Variants in LNX2 observed in about 807,000 individuals in gnomAD.
The protein encoded by LNX2 is ligand of Numb protein X 2.
In LNX2, 35 loss-of-function variants were observed where a neutral mutation model predicts 66.2. The ratio of observed to expected loss-of-function variants is 0.53; its 90% CI spans 0.40 to 0.70. The LOEUF (loss-of-function observed/expected upper bound fraction) is 0.70, where lower values mean the gene tolerates loss of function less well. Among genes scored for constraint, LNX2 ranks in the 30% least tolerant of loss-of-function variants. The pLI, the probability that LNX2 is intolerant of heterozygous loss-of-function variation, is 0.00. For synonymous variants in LNX2, 337 were observed against 315.6 expected (o/e 1.07, Z -0.72); for missense variants, 791 against 850.8 (o/e 0.93, Z 0.87).
chr13:27,618,883 G>A (rs1289872642), intron 1 of LNX2, among the ~76,000 whole-genome samples: 1 of 152,170 alleles, frequency 6.6e-6, no homozygotes, highest in African/African-American at 2.4e-5. Flanking sequence ...AAGACTAAGT[G>A]CCTACGTAAC....
chr13:27,603,084 A>T (rs958000476), intron 1 of LNX2, among the ~76,000 whole-genome samples: 1 of 152,158 alleles, frequency 6.6e-6, no homozygotes, highest in African/African-American at 2.4e-5. Context: ...TATGCTGTCA[A>T]ATATTAGCAT....
At chr13:27,608,617 C>G (rs1955742155) in intron 1 of LNX2, among the ~76,000 whole-genome samples, 1 of 152,080 alleles carries the variant, frequency 6.6e-6, no homozygotes, top group East Asian at 1.9e-4. Context: ...TAAGGTAAAT[C>G]AAACAGATGT....
intron 6 of LNX2, 137 bp from the exon 7 acceptor site, chr13:27,556,550 T>C: frequency 1.3e-6 from 1 of 742,720 alleles, no homozygotes; most frequent in Non-Finnish European, 2.2e-6. Flanking sequence ...CAAATGAAAG[T>C]AATACACAGT....
chr13:27,558,899 C>G (rs903657091), intron 6 of LNX2, among the ~76,000 whole-genome samples: 1 of 152,178 alleles, frequency 6.6e-6, no homozygotes, highest in East Asian at 1.9e-4. Flanking sequence ...CTTAGGGTAC[C>G]AGAGACAGAC....
At chr13:27,598,925 T>C (rs960971241) in intron 1 of LNX2, among the ~76,000 whole-genome samples, 8 of 152,188 alleles carry the variant, frequency 5.3e-5, no homozygotes, top group Non-Finnish European at 1.0e-4. Flanking sequence ...AAAACATGTA[T>C]TGCCATCTAT....
At chr13:27,603,956 TAAA>T (rs35389487) in intron 1 of LNX2, among the ~76,000 whole-genome samples, 10 of 133,456 alleles carry the variant, frequency 7.5e-5, no homozygotes, top group Non-Finnish European at 9.7e-5. Context: ...TTCCTTCCCT[TAAA>T]AAAAAAAAAA....
intron 1 of LNX2, among the ~76,000 whole-genome samples, chr13:27,601,231 A>C (rs566396719): frequency 5.5e-4 from 84 of 152,344 alleles, no homozygotes; most frequent in Middle Eastern, 3.4e-3. Flanking sequence ...CTAGGCTATC[A>C]GTGATTGGAA....
At chr13:27,574,509 T>A (rs1955322009) in intron 2 of LNX2, among the ~76,000 whole-genome samples, 1 of 150,164 alleles carries the variant, frequency 6.7e-6, no homozygotes, top group Admixed American at 6.6e-5. Flanking sequence ...ATTGAGATCA[T>A]CCAGTCTGAG....
At chr13:27,551,306 TAC>T (rs1003951156) in intron 8 of LNX2, among the ~76,000 whole-genome samples, 3 of 151,782 alleles carry the variant, frequency 2.0e-5, no homozygotes, top group Non-Finnish European at 4.4e-5. Context: ...TACACATCTA[TAC>T]ACACACATGC....
At chr13:27,615,039 C>T (rs765653904) in intron 1 of LNX2, among the ~76,000 whole-genome samples, 1 of 152,032 alleles carries the variant, frequency 6.6e-6, no homozygotes, top group African/African-American at 2.4e-5. Context: ...AAGCAGTGGA[C>T]ACCAGCTGAG....
At chr13:27,562,892 A>G (rs1955155224) in intron 4 of LNX2, 111 bp from the exon 5 acceptor site, 7 of 1,034,504 alleles carry the variant, frequency 6.8e-6, no homozygotes, top group Non-Finnish European at 9.9e-6. Flanking sequence ...AGTGCTAAGT[A>G]TGGTGAGAAT....
At chr13:27,548,579 G>GT in intron 9 of LNX2, 109 bp from the exon 10 acceptor site, 17 of 1,123,732 alleles carry the variant, frequency 1.5e-5, no homozygotes, top group East Asian at 2.6e-5. Flanking sequence ...CCACTGAACT[G>GT]TCAATGGTTA....
chr13:27,611,590 C>T (rs770518403), intron 1 of LNX2, among the ~76,000 whole-genome samples: 2 of 152,000 alleles, frequency 1.3e-5, no homozygotes, highest in Non-Finnish European at 2.9e-5. Flanking sequence ...TATGTGGTTG[C>T]CACAATAAAA....
At chr13:27,592,236 T>C (rs569684037) in intron 1 of LNX2, among the ~76,000 whole-genome samples, 1 of 152,240 alleles carries the variant, frequency 6.6e-6, no homozygotes, top group East Asian at 1.9e-4. Context: ...CAGATGATGG[T>C]AGATTGAACA....
rs189897621 is a variant in LNX2, at chr13:27,558,513, T to C, written c.1368+1329A>G. ...TTTTCAAACTCTCTTAAAACTATAA[T>C]GTTGTTATATACACCCCTATCTCAA... On this transcript the variant is annotated intron_variant, in intron 6 of 9. Transcript: ENST00000316334. Among the ~76,000 whole-genome samples, 11 of 152,224 alleles carry C rather than the reference T, an allele frequency of 7.2e-5. No homozygotes were observed. In the East Asian group the frequency reaches 9.6e-4, roughly 13 times the overall value.
chr13:27,560,090 G>T, intron 5 of LNX2, 105 bp from the exon 6 acceptor site: 1 of 986,230 alleles, frequency 1.0e-6, no homozygotes, highest in South Asian at 2.4e-5. Context: ...ACTGTACCAG[G>T]GCGTCATCTG....
In LNX2 at chr13:27,581,553, G is replaced by A. The variant is rs1226841046; in HGVS notation, c.151C>T (p.His51Tyr). 6.2e-7 allele frequency: 1 copy of A among 1,614,052 alleles called. No homozygotes were observed. Among genetic ancestry groups the A allele is most frequent in the African/African-American group, 1.3e-5 (1 of 74,926 alleles). ...TGCAGCAGAGGTTGAAGGCAAATAT[G>A]GCAGACTAGGTCATCATCCACTTCA... The part of the protein sequence containing the change: ...QNEVDDDLVC[H>Y]ICLQPLLQPL... Residue 51 changes from histidine to tyrosine, a missense_variant, in exon 2 of 10, where the codon CAT becomes TAT. Transcript: ENST00000316334.
intron 3 of LNX2, 122 bp from the exon 4 acceptor site, chr13:27,567,961 A>G: frequency 2.6e-6 from 2 of 782,572 alleles, no homozygotes; most frequent in Non-Finnish European, 4.3e-6. Flanking sequence ...ACAGCTAAGC[A>G]GTATCACTGG....
intron 1 of LNX2, among the ~76,000 whole-genome samples, chr13:27,605,890 A>T (rs1429033646): frequency 6.6e-6 from 1 of 152,192 alleles, no homozygotes; most frequent in Non-Finnish European, 1.5e-5. Flanking sequence ...CAATACTCAT[A>T]AATTACTGAA....
Sources: allele counts gnomAD v4.1 joint callset (sites outside exome capture counted in the v4.1 genomes callset), GRCh38; gene constraint gnomAD v4.1.1; transcripts MANE v1.5; gene names NCBI Gene and HGNC (gene_info 2026-07-23, HGNC 2026-07-21).